The following ZCWPW2 variants were observed in gnomAD, a reference collection of about 807,000 sequenced individuals.
ZCWPW2 encodes zinc finger CW-type and PWWP domain containing 2.
In ZCWPW2, 45 loss-of-function variants were observed where a neutral mutation model predicts 46.6. The observed-to-expected ratio is 0.96, with a 90% CI of 0.76 to 1.24. The LOEUF (loss-of-function observed/expected upper bound fraction) is 1.24, where lower values mean the gene tolerates loss of function less well. Ranked by LOEUF, ZCWPW2 falls within the 50% of genes most tolerant of loss-of-function variation. The pLI, the probability that ZCWPW2 is intolerant of heterozygous loss-of-function variation, is 0.00. For synonymous variants in ZCWPW2, 152 were observed against 137.1 expected (o/e 1.11, Z -0.76); for missense variants, 429 against 403.9 (o/e 1.06, Z -0.53).
intron 5 of ZCWPW2, among the ~76,000 whole-genome samples, chr3:28,483,616 A>T (rs1699502720): frequency 6.6e-6 from 1 of 152,220 alleles, no homozygotes. Flanking sequence ...TTATCCATGA[A>T]TGTGGAATAT....
At chr3:28,436,035 A>C (rs1319481653) in intron 4 of ZCWPW2, among the ~76,000 whole-genome samples, 1 of 152,104 alleles carries the variant, frequency 6.6e-6, no homozygotes, top group Non-Finnish European at 1.5e-5. Flanking sequence ...TAAACTTTAA[A>C]TCTCACATTA....
At chr3:28,383,890 T>A (rs537442358) in intron 1 of ZCWPW2, among the ~76,000 whole-genome samples, 1 of 152,286 alleles carries the variant, frequency 6.6e-6, no homozygotes, top group South Asian at 2.1e-4. Flanking sequence ...ACTGGATTTT[T>A]AAAAAATTGG....
chr3:28,355,801 A>G (rs1208719081), intron 1 of ZCWPW2, among the ~76,000 whole-genome samples: 1 of 152,242 alleles, frequency 6.6e-6, no homozygotes. Context: ...AGCCATATGT[A>G]AAAGCTGAAA....
chr3:28,362,437 A>G (rs1272679371), intron 1 of ZCWPW2, among the ~76,000 whole-genome samples: 1 of 152,200 alleles, frequency 6.6e-6, no homozygotes, highest in African/African-American at 2.4e-5. Flanking sequence ...GACACTTTTC[A>G]AAAGAAGACA....
At chr3:28,460,326 T>C (rs988596131) in intron 4 of ZCWPW2, among the ~76,000 whole-genome samples, 1 of 151,982 alleles carries the variant, frequency 6.6e-6, no homozygotes, top group Non-Finnish European at 1.5e-5. Flanking sequence ...ATAAGTTGTT[T>C]TGATCTTAAA....
At chr3:28,441,056 C>G (rs1011940755) in intron 4 of ZCWPW2, among the ~76,000 whole-genome samples, 6 of 152,178 alleles carry the variant, frequency 3.9e-5, no homozygotes, top group Non-Finnish European at 7.4e-5. Context: ...TGCATAACCT[C>G]CATCCCTGCC....
At chr3:28,351,143 A>AAT (rs1276416696) in intron 1 of ZCWPW2, among the ~76,000 whole-genome samples, 1 of 151,144 alleles carries the variant, frequency 6.6e-6, no homozygotes, top group African/African-American at 2.4e-5. Flanking sequence ...CTGCTTTAAA[A>AAT]ATATATATAT....
intron 4 of ZCWPW2, chr3:28,447,899 T>G: frequency 2.3e-6 from 2 of 862,704 alleles, no homozygotes; most frequent in African/African-American, 1.7e-5. Context: ...GTTCGTGCTG[T>G]GAGGCCTAAA....
chr3:28,440,286 C>T (rs539015929), intron 4 of ZCWPW2, among the ~76,000 whole-genome samples: 1 of 152,076 alleles, frequency 6.6e-6, no homozygotes, highest in African/African-American at 2.4e-5. Flanking sequence ...GGCAATCTTG[C>T]AGTTTAATGG....
intron 2 of ZCWPW2, among the ~76,000 whole-genome samples, chr3:28,397,475 G>C (rs1333327440): frequency 1.3e-5 from 2 of 152,148 alleles, no homozygotes; most frequent in Non-Finnish European, 2.9e-5. Flanking sequence ...TTTGAGACCA[G>C]CCTAGCCAAC....
chr3:28,363,526 A>G (rs1313406909), intron 1 of ZCWPW2, among the ~76,000 whole-genome samples: 4 of 152,168 alleles, frequency 2.6e-5, no homozygotes, highest in Admixed American at 2.0e-4. Context: ...CCCTAGAAGC[A>G]CAGCCCCACT....
chr3:28,450,854 A>G (rs780667671), intron 4 of ZCWPW2, among the ~76,000 whole-genome samples: 1 of 152,212 alleles, frequency 6.6e-6, no homozygotes, highest in Non-Finnish European at 1.5e-5. Context: ...CTTGAGCTTT[A>G]TAGCTCCAAT....
chr3:28,440,418 A>G (rs918577520), intron 4 of ZCWPW2, among the ~76,000 whole-genome samples: 1 of 152,174 alleles, frequency 6.6e-6, no homozygotes, highest in African/African-American at 2.4e-5. Context: ...ACTAGCAGTG[A>G]TGGTGAGTGA....
At chr3:28,507,069 A>T (rs1448717658) in intron 6 of ZCWPW2, among the ~76,000 whole-genome samples, 1 of 152,172 alleles carries the variant, frequency 6.6e-6, no homozygotes, top group African/African-American at 2.4e-5. Flanking sequence ...ACTTACAAAA[A>T]TGACATAGCC....
chr3:28,430,491 T>C (rs1697212635), intron 3 of ZCWPW2, among the ~76,000 whole-genome samples: 1 of 152,232 alleles, frequency 6.6e-6, no homozygotes, highest in Non-Finnish European at 1.5e-5. Flanking sequence ...GATGAGACTT[T>C]GGACTTGGAA....
chr3:28,515,730 T>TCCACAGAATGTAGTTGTAGTCCTTTGAA (rs1700546406), intron 8 of ZCWPW2, 109 bp downstream of exon 8: 19 of 795,820 alleles, frequency 2.4e-5, no homozygotes, highest in Middle Eastern at 3.3e-4. Context: ...TGTGTGTGTG[T>TCCACAGAATGTAGTTGTAGTCCTTTGAA]GTGTGTGTGT....
intron 7 of ZCWPW2, among the ~76,000 whole-genome samples, chr3:28,515,147 G>A (rs11927698): frequency 0.028 from 4,218 of 152,248 alleles, 184 homozygotes; most frequent in African/African-American, 0.094. Flanking sequence ...ACATAGAATT[G>A]TGGAAACAGT....
At chr3:28,501,817 C>T (rs1367537989) in intron 6 of ZCWPW2, among the ~76,000 whole-genome samples, 2 of 152,070 alleles carry the variant, frequency 1.3e-5, no homozygotes, top group African/African-American at 4.8e-5. Flanking sequence ...GGCGTGAACA[C>T]GGATCACTGA....
intron 4 of ZCWPW2, chr3:28,478,388 G>T (rs1189142374): frequency 4.3e-6 from 1 of 231,958 alleles, no homozygotes; most frequent in Non-Finnish European, 9.1e-6. Context: ...GGAATTACAG[G>T]TGTGAACCAC....
Sources: gnomAD v4.1 joint callset for allele counts (sites outside exome capture counted in the v4.1 genomes callset) on GRCh38, gnomAD v4.1.1 for gene constraint, MANE v1.5 for transcripts, NCBI Gene and HGNC (gene_info 2026-07-23, HGNC 2026-07-21) for gene names.